The following BEAN1 variants were observed in gnomAD, a reference collection of about 807,000 sequenced individuals.
BEAN1 encodes the protein protein BEAN1.
In BEAN1, 17 loss-of-function variants were observed where a neutral mutation model predicts 17.7. The observed-to-expected ratio is 0.96, with a 90% CI of 0.66 to 1.44. The LOEUF (loss-of-function observed/expected upper bound fraction) is 1.44, where lower values mean the gene tolerates loss of function less well. Among genes scored for constraint, BEAN1 ranks in the 40% most tolerant of loss-of-function variants. BEAN1 has a pLI of 0.00. For synonymous variants in BEAN1, 142 were observed against 151.8 expected (o/e 0.94, Z 0.47); for missense variants, 359 against 374.1 (o/e 0.96, Z 0.33).
At chr16:66,475,401 G>A (rs1458152195) in intron 3 of BEAN1, among the ~76,000 whole-genome samples, 3 of 152,164 alleles carry the variant, frequency 2.0e-5, no homozygotes, top group East Asian at 1.9e-4. Context: ...AGCCCTCAGC[G>A]CTGCCCACCC....
chr16:66,454,061 C>T (rs1246867389), intron 2 of BEAN1, among the ~76,000 whole-genome samples: 1 of 152,098 alleles, frequency 6.6e-6, no homozygotes, highest in Non-Finnish European at 1.5e-5. Flanking sequence ...GGGGTTTTCC[C>T]GGATAGTTTT....
intron 2 of BEAN1, among the ~76,000 whole-genome samples, chr16:66,458,548 G>A (rs1962959262): frequency 6.6e-6 from 1 of 152,124 alleles, no homozygotes; most frequent in Non-Finnish European, 1.5e-5. Flanking sequence ...ACGAGGAACA[G>A]AGCCCAGTTC....
chr16:66,489,447 C>T (rs1019111922), intron 4 of BEAN1, among the ~76,000 whole-genome samples: 1 of 152,144 alleles, frequency 6.6e-6, no homozygotes, highest in South Asian at 2.1e-4. Context: ...CTGGGCCTTA[C>T]CTGTGTCTTC....
chr16:66,478,879 G>A (rs1446075214), intron 4 of BEAN1: 1 of 152,536 alleles, frequency 6.6e-6, no homozygotes, highest in Non-Finnish European at 1.5e-5. Flanking sequence ...AGGAGGGTGT[G>A]ACCAGCAGAG....
downstream of BEAN1, among the ~76,000 whole-genome samples, chr16:66,486,861 G>A (rs187424602): frequency 4.8e-3 from 726 of 152,350 alleles, 4 homozygotes; most frequent in African/African-American, 0.017. Flanking sequence ...AGTCAGGGCA[G>A]GTGCTGGGGC....
intron 2 of BEAN1, among the ~76,000 whole-genome samples, chr16:66,442,737 C>A (rs984498844): frequency 6.6e-6 from 1 of 152,174 alleles, no homozygotes; most frequent in African/African-American, 2.4e-5. Context: ...GTTTGGTGCT[C>A]GAAATTGACA....
intron 2 of BEAN1, among the ~76,000 whole-genome samples, chr16:66,457,638 G>A (rs1437830111): frequency 1.3e-5 from 2 of 152,060 alleles, no homozygotes; most frequent in Non-Finnish European, 1.5e-5. Context: ...TACTGATCCT[G>A]ATATGCTTAG....
chr16:66,449,684 G>C (rs986940652), intron 2 of BEAN1, among the ~76,000 whole-genome samples: 53 of 149,720 alleles, frequency 3.5e-4, no homozygotes, highest in African/African-American at 1.2e-3. Context: ...CAAGATAAAA[G>C]GTACCTCCAA....
At chr16:66,462,633 C>T (rs2142418513) in intron 2 of BEAN1, among the ~76,000 whole-genome samples, 1 of 152,312 alleles carries the variant, frequency 6.6e-6, no homozygotes, top group African/African-American at 2.4e-5. Flanking sequence ...GAAGCCCTGT[C>T]TCTGCTAAAA....
chr16:66,429,849 T>C (rs540210236), intron 1 of BEAN1, among the ~76,000 whole-genome samples: 1 of 152,186 alleles, frequency 6.6e-6, no homozygotes, highest in African/African-American at 2.4e-5. Context: ...ACACAGCCAG[T>C]GGGGAATGTG....
At chr16:66,491,766 G>C (rs145106388) in intron 4 of BEAN1, among the ~76,000 whole-genome samples, 134 of 152,226 alleles carry the variant, frequency 8.8e-4, no homozygotes, top group Non-Finnish European at 1.4e-3. Context: ...TCACAATAGG[G>C]TTCCACTCCT....
chr16:66,443,288 C>T (rs961909570), intron 2 of BEAN1, among the ~76,000 whole-genome samples: 7 of 152,216 alleles, frequency 4.6e-5, no homozygotes, highest in Non-Finnish European at 1.0e-4. Flanking sequence ...ATGATCATTT[C>T]TTTATGTGGC....
At chr16:66,461,543 C>A in intron 2 of BEAN1, among the ~76,000 whole-genome samples, 1 of 149,000 alleles carries the variant, frequency 6.7e-6, no homozygotes, top group South Asian at 2.2e-4. Context: ...GCAGGTTCTG[C>A]GTGCTGTGCA....
At chr16:66,494,415 C>T (rs1013081467), downstream of BEAN1, among the ~76,000 whole-genome samples, 7 of 152,186 alleles carry the variant, frequency 4.6e-5, no homozygotes, top group African/African-American at 1.7e-4. Flanking sequence ...AGACCTCCTT[C>T]CCAGGAGGCT....
intron 2 of BEAN1, among the ~76,000 whole-genome samples, chr16:66,444,532 T>C (rs1404861138): frequency 6.6e-6 from 1 of 152,004 alleles, no homozygotes; most frequent in Non-Finnish European, 1.5e-5. Flanking sequence ...ACCTAACCCA[T>C]CTGTGAAATT....
chr16:66,484,263 G>A (rs552974827), downstream of BEAN1: 3 of 292,944 alleles, frequency 1.0e-5, no homozygotes, highest in South Asian at 6.4e-5. The surrounding 1 kb of genome is among the most constrained non-coding windows in gnomAD (Gnocchi z 4.2). Flanking sequence ...CACCTCCTGG[G>A]AATGAATGCA....
intron 1 of BEAN1, among the ~76,000 whole-genome samples, chr16:66,432,974 T>C (rs768156406): frequency 4.1e-4 from 63 of 152,364 alleles, no homozygotes; most frequent in Admixed American, 8.5e-4. Flanking sequence ...TACTGTTAGC[T>C]TGCAGACTTC....
rs1257848081 is a variant in BEAN1, at chr16:66,434,298, C to T, written c.-82-3297C>T. Among the ~76,000 whole-genome samples, 4 of 151,570 alleles carry T rather than the reference C, an allele frequency of 2.6e-5. No homozygotes were observed. The highest frequency in any genetic ancestry group is 9.7e-5 in the African/African-American group (4 of 41,248). ...GCCCCTCATGGCTGTCTCCTCTCAGCAACTTCAGTCACATGCGTGCGGGAC... is the reference window on the plus strand; with the variant it reads ...GCCCCTCATGGCTGTCTCCTCTCAGTAACTTCAGTCACATGCGTGCGGGAC... On this transcript the variant is annotated intron_variant, in intron 1 of 4. Coordinates refer to ENST00000536005, the MANE Select transcript of BEAN1 (RefSeq NM_001178020.3). The surrounding 1 kb of genome is among the most constrained non-coding windows in gnomAD (Gnocchi z 4.3).
At chr16:66,493,684 C>T (rs1273555943), downstream of BEAN1, among the ~76,000 whole-genome samples, 1 of 152,154 alleles carries the variant, frequency 6.6e-6, no homozygotes, top group African/African-American at 2.4e-5. Flanking sequence ...GCAGAAAAGT[C>T]ACCATTCTCA....
Sources: allele counts gnomAD v4.1 joint callset (sites outside exome capture counted in the v4.1 genomes callset), GRCh38; gene constraint gnomAD v4.1.1; non-coding constraint Gnocchi (gnomAD v3.1); transcripts MANE v1.5; gene names NCBI Gene and HGNC (gene_info 2026-07-23, HGNC 2026-07-21).